Variants in ETS2 observed in about 807,000 individuals in gnomAD.
ETS2 encodes protein C-ets-2.
Under a neutral mutation model 54.9 loss-of-function variants are expected in ETS2, and 19 were observed. The observed-to-expected ratio is 0.35, with a 90% CI of 0.24 to 0.51. The LOEUF (loss-of-function observed/expected upper bound fraction) is 0.51, where lower values mean the gene tolerates loss of function less well. Among genes scored for constraint, ETS2 ranks in the 20% least tolerant of loss-of-function variants. ETS2 has a pLI of 0.97. For missense variants in ETS2, 417 were observed against 593.0 expected (o/e 0.70, Z 3.08); for synonymous variants, 219 against 229.3 (o/e 0.95, Z 0.41).
rs2060923693 is a variant in ETS2 at position 38,814,139 on chromosome 21, CA to C, written c.185-133del. 1.2e-6 allele frequency: 1 copy of C among 831,834 alleles called. No individual in the cohort carries two copies. Among genetic ancestry groups the C allele is most frequent in the Non-Finnish European group, 1.9e-6 (1 of 519,070 alleles). 51.5% of individuals were successfully genotyped at this position (831,834 alleles called of 1,614,324 possible). A position where few individuals can be genotyped will look rare whatever the true frequency, so the allele number is the denominator to read the frequency against. ...CAGAAAAGTTTTTTGTTAATAGTTA[CA>C]CTGTTTTAAGGAATCATGCCAAGGT... On this transcript the variant is annotated intron_variant, in intron 3 of 9. Coordinates refer to ENST00000360938, the MANE Select transcript of ETS2 (RefSeq NM_005239.6). The surrounding 1 kb of genome is among the most constrained non-coding windows in gnomAD (Gnocchi z 4.2).
chr21:38,818,356 G>A, intron 6 of ETS2, 69 bp from the exon 7 acceptor site: 2 of 1,607,062 alleles, frequency 1.2e-6, no homozygotes, highest in South Asian at 1.1e-5. Flanking sequence ...CCTGTCATTT[G>A]CTCGTAGGGG....
At chr21:38,809,390 C>T (rs983873310) in intron 1 of ETS2, among the ~76,000 whole-genome samples, 5 of 152,292 alleles carry the variant, frequency 3.3e-5, no homozygotes, top group South Asian at 4.1e-4. Flanking sequence ...CACAGCCAAG[C>T]AACACACAAA....
upstream of ETS2, chr21:38,805,593 G>C (rs1209920979): frequency 7.8e-5 from 99 of 1,269,698 alleles, no homozygotes; most frequent in Non-Finnish European, 9.9e-5. The surrounding 1 kb of genome is among the most constrained non-coding windows in gnomAD (Gnocchi z 5.2). Context: ...ACCCAGCCGA[G>C]TGACAGCAGG....
Position 38,806,302 on chromosome 21 carries a change from G to A in ETS2, c.-1+182G>A. 1 of 949,442 alleles carries A rather than the reference G, an allele frequency of 1.1e-6. No individual in the cohort carries two copies. The highest frequency in any genetic ancestry group is 1.3e-6 in the Non-Finnish European group (1 of 796,984). The allele number at this position is 949,442 out of a possible 1,614,324, so 58.8% of individuals were successfully genotyped here. A position where few individuals can be genotyped will look rare whatever the true frequency, so the allele number is the denominator to read the frequency against. ...GGGGCGCGCGTCTGAGTTCCGCGCCGGCTCGTTTTCCGGTTATGGAGTGGC... is the reference window on the plus strand; with the variant it reads ...GGGGCGCGCGTCTGAGTTCCGCGCCAGCTCGTTTTCCGGTTATGGAGTGGC... On this transcript the variant is annotated intron_variant, in intron 1 of 9. Coordinates refer to ENST00000360938, the MANE Select transcript of ETS2 (RefSeq NM_005239.6). This position sits in a 1 kb window ranked among gnomAD's most constrained non-coding sequence, Gnocchi z 4.3.
At chr21:38,805,831 C>T (rs1029168506), upstream of ETS2, 4 of 1,015,268 alleles carry the variant, frequency 3.9e-6, no homozygotes, top group African/African-American at 5.3e-5. The surrounding 1 kb of genome is among the most constrained non-coding windows in gnomAD (Gnocchi z 5.2). Context: ...TCTCCTCCCT[C>T]GTTTCCTCCC....
chr21:38,806,218 C>T lies in ETS2; in HGVS notation c.-1+98C>T. ...GGGGGTCGCGGGGGGCACTGACACG[C>T]AGATCTCGGGGCGCTGCCGGGGGTG... On this transcript the variant is annotated intron_variant, in intron 1 of 9. Coordinates refer to ENST00000360938, the MANE Select transcript of ETS2 (RefSeq NM_005239.6). This position sits in a 1 kb window ranked among gnomAD's most constrained non-coding sequence, Gnocchi z 4.3. The T allele has an allele frequency of 3.0e-6, 3 of 990,706 alleles. No individual in the cohort carries two copies. Among genetic ancestry groups the T allele is most frequent in the South Asian group, 9.0e-5 (2 of 22,334 alleles). 61.4% of individuals were successfully genotyped at this position (990,706 alleles called of 1,614,324 possible).
chr21:38,808,720 G>A (rs919962968), intron 1 of ETS2, among the ~76,000 whole-genome samples: 1 of 152,130 alleles, frequency 6.6e-6, no homozygotes, highest in African/African-American at 2.4e-5. Context: ...ATAGTTCGGT[G>A]AGCCTTTGTT....
chr21:38,812,551 CG>C (rs1569022319), intron 2 of ETS2, among the ~76,000 whole-genome samples: 1 of 152,174 alleles, frequency 6.6e-6, no homozygotes, highest in Non-Finnish European at 1.5e-5. Context: ...GAGGCCAAGG[CG>C]GGTGGATTAC....
chr21:38,808,590 ATG>A lies in ETS2; in HGVS notation c.1-1419_1-1418del, dbSNP rs56269044. Among the ~76,000 whole-genome samples, 175 of 148,308 alleles carry A rather than the reference ATG, an allele frequency of 1.2e-3. 1 individual carries two copies. In the East Asian group the frequency reaches 0.018, roughly 15 times the overall value. On this transcript the variant is annotated intron_variant, in intron 1 of 9. Coordinates refer to ENST00000360938, the MANE Select transcript of ETS2 (RefSeq NM_005239.6). ...TTTTAGCCAAGAGGGGTGTGTGTGT[ATG>A]TGTGTGTGTGTGTGTGTGTGTGTGT...
intron 1 of ETS2, among the ~76,000 whole-genome samples, chr21:38,808,283 C>G (rs1231591321): frequency 6.6e-6 from 1 of 152,168 alleles, no homozygotes; most frequent in Non-Finnish European, 1.5e-5. Context: ...GATGGTCCCC[C>G]AGCACGGGGC....
chr21:38,812,574 A>C (rs550900150), intron 2 of ETS2, among the ~76,000 whole-genome samples: 3 of 152,332 alleles, frequency 2.0e-5, no homozygotes, highest in Non-Finnish European at 4.4e-5. Context: ...CGAGGTCAGG[A>C]GTTTGAGACC....
intron 8 of ETS2, among the ~76,000 whole-genome samples, chr21:38,820,945 G>C (rs2060955529): frequency 6.6e-6 from 1 of 152,188 alleles, no homozygotes; most frequent in African/African-American, 2.4e-5. Context: ...ACTGACACCT[G>C]CTTTGCAAGG....
Position 38,806,589 on chromosome 21 carries a change from C to T in ETS2, c.-1+469C>T. 1 of 985,376 alleles carries T rather than the reference C, an allele frequency of 1.0e-6. No individual in the cohort carries two copies. The highest frequency in any genetic ancestry group is 1.2e-6 in the Non-Finnish European group (1 of 829,952). The allele number at this position is 985,376 out of a possible 1,614,324, so 61.0% of individuals were successfully genotyped here. ...TTGAGGGTGACTTCCTGGAGCGGCGCCGGGCCCGGAGGATCTGGGGCGCCC... is the reference window on the plus strand; with the variant it reads ...TTGAGGGTGACTTCCTGGAGCGGCGTCGGGCCCGGAGGATCTGGGGCGCCC... On this transcript the variant is annotated intron_variant, in intron 1 of 9. Transcript: ENST00000360938. This position sits in a 1 kb window ranked among gnomAD's most constrained non-coding sequence, Gnocchi z 4.3.
At chr21:38,813,901 A>C (rs1275411139) in intron 3 of ETS2, among the ~76,000 whole-genome samples, 1 of 152,236 alleles carries the variant, frequency 6.6e-6, no homozygotes, top group African/African-American at 2.4e-5. Flanking sequence ...CGCCTAGTTT[A>C]ATGGAAGTGA....
intron 8 of ETS2, 26 bp downstream of exon 8, chr21:38,819,792 G>T: frequency 6.3e-7 from 1 of 1,599,928 alleles, no homozygotes; most frequent in African/African-American, 1.3e-5. Context: ...CGAGAGCCTG[G>T]CCGCCCAGTC....
Position 38,821,698 on chromosome 21 carries a change from C to T in ETS2, c.1188C>T (p.Pro396=), listed in dbSNP as rs752196435. The change falls in exon 9 of 10, where the codon CCC becomes CCT. Residue 396 remains proline (P), a synonymous_variant. Transcript: ENST00000360938. The surrounding 1 kb of genome is among the most constrained non-coding windows in gnomAD (Gnocchi z 4.2). ...GDGWEFKLAD[P]DEVARRWGKR... is the part of the protein sequence containing the mutation. ...GATGGGAGTTTAAGCTCGCCGACCC[C>T]GATGAGGTATGGCCAGAGCCCTGGG... 6.8e-6 allele frequency: 11 copies of T among 1,608,518 alleles called. No homozygotes were observed. The East Asian group carries it at 8.9e-5, about 13-fold the overall frequency.
rs113612605 is a variant in ETS2, at chr21:38,821,097, A to G, written c.1076-489A>G. The stretch of plus-strand genomic sequence containing the variant: ...CGGGCTCACATTAAGCAATTTACAC[A>G]TGGTCATTTGGCAGGAAGGTGGCAT... On this transcript the variant is annotated intron_variant, in intron 8 of 9. Transcript: ENST00000360938. This position sits in a 1 kb window ranked among gnomAD's most constrained non-coding sequence, Gnocchi z 4.2. 1.3e-5 allele frequency among the ~76,000 whole-genome samples: 2 copies of G among 152,094 alleles called. No individual in the cohort carries two copies. Among genetic ancestry groups the G allele is most frequent in the Non-Finnish European group, 1.5e-5 (1 of 68,012 alleles).
intron 6 of ETS2, 150 bp from the exon 7 acceptor site, chr21:38,818,275 G>A: frequency 1.0e-6 from 1 of 972,022 alleles, no homozygotes; most frequent in East Asian, 2.6e-5. Context: ...AGAAGGCCTG[G>A]TGACAGACCC....
chr21:38,814,189 C>T lies in ETS2; in HGVS notation c.185-84C>T, dbSNP rs895804745. 266 of 1,427,938 alleles carry T rather than the reference C, an allele frequency of 1.9e-4. No homozygotes were observed. Among genetic ancestry groups the T allele is most frequent in the Middle Eastern group, 1.5e-3 (8 of 5,506 alleles). 88.5% of individuals were successfully genotyped at this position (1,427,938 alleles called of 1,614,324 possible). On this transcript the variant is annotated intron_variant, in intron 3 of 9. Transcript: ENST00000360938. This position sits in a 1 kb window ranked among gnomAD's most constrained non-coding sequence, Gnocchi z 4.2. Reference sequence around the variant, plus strand: ...GTTTGAGATCAAAATTGTTCTTTTCCAAAAACTAAGATGTCTCTCCTAAAT... The same window carrying T: ...GTTTGAGATCAAAATTGTTCTTTTCTAAAAACTAAGATGTCTCTCCTAAAT...
Sources: allele counts gnomAD v4.1 joint callset (sites outside exome capture counted in the v4.1 genomes callset), GRCh38; gene constraint gnomAD v4.1.1; non-coding constraint Gnocchi (gnomAD v3.1); transcripts MANE v1.5; gene names NCBI Gene and HGNC (gene_info 2026-07-23, HGNC 2026-07-21).